KGD4: variants seen among roughly 807,000 people sequenced by gnomAD.
KGD4 encodes alpha-ketoglutarate dehydrogenase subunit 4.
At chr5:69,217,836 G>A in the KGD4 span, 115 of 1,613,738 alleles carry the variant, frequency 7.1e-5, no homozygotes, top group Non-Finnish European at 8.4e-5. Context: ...GGTCATGATG[G>A]GCAGCAAGAT....
chr5:69,218,007 G>T, the KGD4 span: 1 of 1,413,024 alleles, frequency 7.1e-7, no homozygotes, highest in Non-Finnish European at 9.8e-7. Context: ...GACGGCGCCC[G>T]CGGGTGTGTG....
At chr5:69,222,198 C>T in the KGD4 span, among the ~76,000 whole-genome samples, 2 of 151,944 alleles carry the variant, frequency 1.3e-5, no homozygotes, top group Non-Finnish European at 2.9e-5. Context: ...TAATCATTGG[C>T]TAACTTATCT....
the KGD4 span, among the ~76,000 whole-genome samples, chr5:69,218,836 CTT>C: frequency 6.6e-6 from 1 of 152,264 alleles, no homozygotes; most frequent in Middle Eastern, 3.4e-3. Context: ...AGATCCCAGT[CTT>C]TGGTCCCATT....
At chr5:69,222,616 T>C in the KGD4 span, among the ~76,000 whole-genome samples, 1 of 152,266 alleles carries the variant, frequency 6.6e-6, no homozygotes, top group Non-Finnish European at 1.5e-5. Context: ...ATCTTCTTGC[T>C]CAGGCTGGTC....
the KGD4 span, among the ~76,000 whole-genome samples, chr5:69,219,103 C>G: frequency 2.2e-4 from 33 of 152,154 alleles, no homozygotes; most frequent in African/African-American, 8.0e-4. Flanking sequence ...ACCATGAGGT[C>G]CTACACATCC....
At chr5:69,228,563 C>T in the KGD4 span, among the ~76,000 whole-genome samples, 1 of 152,170 alleles carries the variant, frequency 6.6e-6, no homozygotes, top group South Asian at 2.1e-4. Context: ...TCAAATCCCT[C>T]TGTAAATATG....
At chr5:69,222,932 C>T in the KGD4 span, among the ~76,000 whole-genome samples, 15 of 151,626 alleles carry the variant, frequency 9.9e-5, no homozygotes, top group South Asian at 4.2e-4. Context: ...CCCACCACCA[C>T]GCCCGGCTAA....
At chr5:69,217,797 TCG>T in the KGD4 span, 1 of 1,608,340 alleles carries the variant, frequency 6.2e-7, no homozygotes, top group Non-Finnish European at 8.5e-7. Flanking sequence ...CGCGGCTCGC[TCG>T]CGCCCCGGAA....
chr5:69,226,173 T>G, the KGD4 span, among the ~76,000 whole-genome samples: 4 of 152,352 alleles, frequency 2.6e-5, no homozygotes, highest in East Asian at 7.7e-4. Flanking sequence ...GTTTACCGGG[T>G]AGACAAGTTA....
chr5:69,224,389 CAAA>C, the KGD4 span, among the ~76,000 whole-genome samples: 10 of 138,232 alleles, frequency 7.2e-5, no homozygotes, highest in Non-Finnish European at 1.1e-4. Flanking sequence ...GACTCCATCT[CAAA>C]AAAAAAAAAA....
the KGD4 span, among the ~76,000 whole-genome samples, chr5:69,225,277 T>G: frequency 6.9e-6 from 1 of 145,920 alleles, no homozygotes; most frequent in African/African-American, 2.5e-5. Flanking sequence ...TTTTTTTTTT[T>G]TTTTTGAGAC....
chr5:69,223,384 G>GT, the KGD4 span, among the ~76,000 whole-genome samples: 1 of 151,950 alleles, frequency 6.6e-6, no homozygotes, highest in Admixed American at 6.6e-5. Flanking sequence ...CGGCCGAGAA[G>GT]TTTTTTAGCA....
chr5:69,221,282 A>T, the KGD4 span, among the ~76,000 whole-genome samples: 14 of 152,016 alleles, frequency 9.2e-5, no homozygotes, highest in Non-Finnish European at 2.9e-5. Context: ...TGGAAAGATC[A>T]CTTGAGCCCA....
the KGD4 span, chr5:69,226,496 TC>T: frequency 4.5e-6 from 4 of 883,902 alleles, no homozygotes; most frequent in Non-Finnish European, 7.1e-6. Flanking sequence ...CATTTTAAAA[TC>T]AGTTAAGACT....
chr5:69,217,845 A>T, the KGD4 span: 1 of 1,613,978 alleles, frequency 6.2e-7, no homozygotes, highest in Non-Finnish European at 8.5e-7. Flanking sequence ...GGGCAGCAAG[A>T]TGGCGTCTGC....
the KGD4 span, among the ~76,000 whole-genome samples, chr5:69,228,626 G>T: frequency 6.6e-6 from 1 of 152,090 alleles, no homozygotes; most frequent in Non-Finnish European, 1.5e-5. Context: ...GCTCTTTGGG[G>T]TCCTGAATAA....
chr5:69,218,479 TGTGTG>T, the KGD4 span, among the ~76,000 whole-genome samples: 1,570 of 151,582 alleles, frequency 0.01, 15 homozygotes, highest in Middle Eastern at 0.061. Context: ...AATGTGTGTG[TGTGTG>T]TGTGTGTGTG....
At chr5:69,229,542 A>G in the KGD4 span, 31 of 213,786 alleles carry the variant, frequency 1.5e-4, no homozygotes, top group Non-Finnish European at 1.9e-4. Context: ...GTAGTAAACT[A>G]TCATAGGATT....
the KGD4 span, among the ~76,000 whole-genome samples, chr5:69,220,581 G>A: frequency 4.6e-5 from 7 of 151,604 alleles, no homozygotes; most frequent in East Asian, 7.7e-4. Flanking sequence ...GCCTCTGCCC[G>A]GCCGCCACCC....
Sources: allele counts gnomAD v4.1 joint callset (sites outside exome capture counted in the v4.1 genomes callset), GRCh38; gene constraint gnomAD v4.1.1; transcripts MANE v1.5; gene names NCBI Gene and HGNC (gene_info 2026-07-23, HGNC 2026-07-21).